Variants in ADAM22 observed in about 807,000 individuals in gnomAD.
The protein encoded by ADAM22 is ADAM metallopeptidase domain 22, also known as disintegrin and metalloproteinase domain-containing protein 22.
In ADAM22, 65 loss-of-function variants were observed where a neutral mutation model predicts 144.6. The observed-to-expected ratio is 0.45, with a 90% confidence interval of 0.37 to 0.55. ADAM22 has a LOEUF of 0.55. Ranked by LOEUF, ADAM22 falls within the 20% of genes least tolerant of loss-of-function variation. The pLI is 0.00. For missense variants in ADAM22, 974 were observed against 1,184.9 expected (o/e 0.82, Z 2.61); for synonymous variants, 391 against 412.6 (o/e 0.95, Z 0.63).
At chr7:88,180,695 G>T (rs1368457403) in intron 27 of ADAM22, among the ~76,000 whole-genome samples, 1 of 152,082 alleles carries the variant, frequency 6.6e-6, no homozygotes, top group Non-Finnish European at 1.5e-5. Flanking sequence ...ATAATTCCCA[G>T]ATTTTAGAAA....
At chr7:88,136,693 A>G (rs1351915839) in intron 14 of ADAM22, among the ~76,000 whole-genome samples, 2 of 152,016 alleles carry the variant, frequency 1.3e-5, no homozygotes, top group Non-Finnish European at 2.9e-5. Context: ...TTTTAATAAC[A>G]TTTCAAATAC....
At chr7:87,993,708 A>G (rs1790439661) in intron 3 of ADAM22, among the ~76,000 whole-genome samples, 1 of 152,244 alleles carries the variant, frequency 6.6e-6, no homozygotes. Context: ...CCATGAAGAT[A>G]AATTGGCTGG....
intron 2 of ADAM22, among the ~76,000 whole-genome samples, chr7:87,938,130 A>T (rs1298960078): frequency 6.8e-6 from 1 of 146,544 alleles, no homozygotes; most frequent in East Asian, 2.0e-4. Context: ...ACATAAGTTG[A>T]TTTTTTATGG....
chr7:87,936,978 CAG>C (rs953803780), intron 2 of ADAM22, among the ~76,000 whole-genome samples: 2 of 151,924 alleles, frequency 1.3e-5, no homozygotes, highest in Non-Finnish European at 2.9e-5. Flanking sequence ...TTTTTTGTGA[CAG>C]GGTCTCACTC....
At chr7:88,009,222 A>G (rs183267726) in intron 3 of ADAM22, among the ~76,000 whole-genome samples, 90 of 152,286 alleles carry the variant, frequency 5.9e-4, no homozygotes, top group African/African-American at 2.1e-3. Context: ...GTCCTCATTC[A>G]TTAGGATACC....
At chr7:88,053,592 G>T (rs1310807277) in intron 3 of ADAM22, among the ~76,000 whole-genome samples, 1 of 28,800 alleles carries the variant, frequency 3.5e-5, no homozygotes, top group Non-Finnish European at 1.0e-4. Flanking sequence ...AGGAAGGAAG[G>T]AAAGAAAGAA....
At chr7:88,085,697 A>G (rs1325235965) in intron 4 of ADAM22, among the ~76,000 whole-genome samples, 1 of 152,240 alleles carries the variant, frequency 6.6e-6, no homozygotes, top group Non-Finnish European at 1.5e-5. Context: ...TATATTGACC[A>G]TTCAGTTCAA....
chr7:87,997,965 G>A (rs898589757), intron 3 of ADAM22, among the ~76,000 whole-genome samples: 1 of 152,224 alleles, frequency 6.6e-6, no homozygotes, highest in Non-Finnish European at 1.5e-5. Context: ...CTCAAAAGTA[G>A]GGAAGCTGAC....
chr7:88,122,509 A>G (rs896383109), intron 7 of ADAM22, among the ~76,000 whole-genome samples: 1 of 152,158 alleles, frequency 6.6e-6, no homozygotes, highest in Non-Finnish European at 1.5e-5. Context: ...TGTCCCTTTT[A>G]CCTGCAAAAT....
At chr7:88,040,017 T>C (rs1394601060) in intron 3 of ADAM22, among the ~76,000 whole-genome samples, 3 of 152,012 alleles carry the variant, frequency 2.0e-5, no homozygotes, top group African/African-American at 7.2e-5. Context: ...TCTGTAGATA[T>C]TTGCTAAGCC....
chr7:88,132,830 G>A (rs766624467), intron 11 of ADAM22, 37 bp from the exon 12 acceptor site: 1 of 1,567,392 alleles, frequency 6.4e-7, no homozygotes, highest in Non-Finnish European at 8.8e-7. Flanking sequence ...TGTTTGAACT[G>A]TGAACAGTAA....
At chr7:88,140,690 G>A (rs1349963471) in intron 14 of ADAM22, among the ~76,000 whole-genome samples, 1 of 152,088 alleles carries the variant, frequency 6.6e-6, no homozygotes, top group Non-Finnish European at 1.5e-5. Flanking sequence ...TTAAAAATTA[G>A]CTGGGCATGG....
intron 3 of ADAM22, among the ~76,000 whole-genome samples, chr7:88,015,190 G>A (rs906773441): frequency 1.3e-5 from 2 of 152,142 alleles, no homozygotes; most frequent in Admixed American, 1.3e-4. Context: ...CATTTAAGAA[G>A]CAGTTAGGGG....
intron 10 of ADAM22, 133 bp downstream of exon 10, chr7:88,130,592 G>A (rs918386343): frequency 1.3e-6 from 1 of 781,198 alleles, no homozygotes; most frequent in Non-Finnish European, 2.0e-6. Flanking sequence ...TAAGTTCCGG[G>A]TGACCTTGCA....
intron 4 of ADAM22, among the ~76,000 whole-genome samples, chr7:88,094,738 G>A (rs902543574): frequency 7.2e-5 from 11 of 152,142 alleles, no homozygotes; most frequent in Non-Finnish European, 1.3e-4. Flanking sequence ...CAGAGTAAAT[G>A]CTATTTTCTT....
chr7:88,054,301 C>T (rs764258273), intron 3 of ADAM22, among the ~76,000 whole-genome samples: 8 of 152,154 alleles, frequency 5.3e-5, no homozygotes, highest in Non-Finnish European at 1.2e-4. Flanking sequence ...GTTCCTTTCT[C>T]ATACCCTGTT....
chr7:87,954,868 G>T (rs1308826722), intron 2 of ADAM22, among the ~76,000 whole-genome samples: 1 of 150,770 alleles, frequency 6.6e-6, no homozygotes, highest in African/African-American at 2.4e-5. Context: ...CTCTAAACTT[G>T]TTTCATTTCA....
intron 4 of ADAM22, among the ~76,000 whole-genome samples, chr7:88,100,769 C>A (rs1340382452): frequency 6.6e-6 from 1 of 152,062 alleles, no homozygotes; most frequent in African/African-American, 2.4e-5. Context: ...CCCTCCTTGG[C>A]CTTCTAAAGT....
Position 87,960,485 on chromosome 7 carries a change from G to A in ADAM22, c.247-17851G>A, listed in dbSNP as rs1210092611. Reference sequence around the variant, plus strand: ...GTCCTTATATTTCACTTGACAAGAAGAGAAACAGTTATACTTTTCTCTGAA... The same window carrying A: ...GTCCTTATATTTCACTTGACAAGAAAAGAAACAGTTATACTTTTCTCTGAA... On this transcript the variant is annotated intron_variant, in intron 2 of 31. Transcript: ENST00000413139. Among the ~76,000 whole-genome samples, 3 of 152,156 alleles carry A rather than the reference G, an allele frequency of 2.0e-5. No individual in the cohort carries two copies. In the South Asian group the frequency reaches 6.2e-4, roughly 32 times the overall value.
Sources: allele counts gnomAD v4.1 joint callset (sites outside exome capture counted in the v4.1 genomes callset), GRCh38; gene constraint gnomAD v4.1.1; transcripts MANE v1.5; gene names NCBI Gene and HGNC (gene_info 2026-07-23, HGNC 2026-07-21).